APBB1IP: variants seen among roughly 807,000 people sequenced by gnomAD.
APBB1IP encodes the protein amyloid beta precursor protein binding family B member 1 interacting protein.
A neutral mutation model predicts 64.9 loss-of-function variants in APBB1IP; 27 were observed. The observed-to-expected ratio is 0.42, with a 90% CI of 0.31 to 0.57. The LOEUF (loss-of-function observed/expected upper bound fraction) is 0.57, where lower values mean the gene tolerates loss of function less well. APBB1IP is among the 20% of genes least tolerant of loss of function. APBB1IP has a pLI of 0.20. For synonymous variants in APBB1IP, 392 were observed against 331.0 expected (o/e 1.18, Z -2.00); for missense variants, 812 against 845.5 (o/e 0.96, Z 0.49).
chr10:26,474,025 A>G (rs116663204), intron 2 of APBB1IP, among the ~76,000 whole-genome samples: 1,868 of 146,800 alleles, frequency 0.013, 36 homozygotes, highest in African/African-American at 0.043. Flanking sequence ...AAAAAAAAGT[A>G]TGTTCTTGAA....
intron 2 of APBB1IP, among the ~76,000 whole-genome samples, chr10:26,477,792 T>C (rs1031164006): frequency 2.0e-5 from 3 of 152,146 alleles, no homozygotes; most frequent in African/African-American, 7.2e-5. Flanking sequence ...AATGCAATGT[T>C]AGATCACAGT....
At chr10:26,550,780 C>T (rs758894655) in intron 11 of APBB1IP, among the ~76,000 whole-genome samples, 31 of 152,278 alleles carry the variant, frequency 2.0e-4, no homozygotes, top group Non-Finnish European at 3.1e-4. Context: ...GCTATTCTTA[C>T]TCCTTGTAGA....
intron 6 of APBB1IP, chr10:26,509,616 C>T (rs1186500477): frequency 6.6e-6 from 1 of 152,216 alleles, no homozygotes; most frequent in Non-Finnish European, 1.5e-5. Flanking sequence ...CCTGGTTGTA[C>T]TCTATCTCAT....
intron 11 of APBB1IP, among the ~76,000 whole-genome samples, chr10:26,558,140 A>ACACACAC (rs1836917404): frequency 4.7e-5 from 7 of 148,894 alleles, no homozygotes; most frequent in African/African-American, 7.4e-5. Flanking sequence ...CACACACACA[A>ACACACAC]ACACACACAC....
At chr10:26,480,619 T>G (rs1019733920) in intron 2 of APBB1IP, among the ~76,000 whole-genome samples, 21 of 143,276 alleles carry the variant, frequency 1.5e-4, no homozygotes, top group Admixed American at 1.3e-3. Context: ...TTGAGCTGCT[T>G]CTTTTTTTTT....
Position 26,541,595 on chromosome 10 carries a change from T to A in APBB1IP, c.1058T>A (p.Leu353Gln), listed in dbSNP as rs1312412445. ...PKGKTKTSRDLACFIQFENVN... is the reference protein window; with the variant it reads ...PKGKTKTSRDQACFIQFENVN... ...CCTGTCTTTCAGACATCTCGAGATC[T>A]GGCGTGTTTTATACAGTTTGAAAAT... Residue 353 changes from leucine (L) to glutamine (Q), a missense_variant, in exon 11 of 15, where the codon CTG becomes CAG. By Grantham distance (113) the Leu-to-Gln change is moderately radical. Transcript: ENST00000376236. The A allele has an allele frequency of 6.2e-7, 1 of 1,609,802 alleles. No individual in the cohort carries two copies. Among genetic ancestry groups the A allele is most frequent in the East Asian group, 2.2e-5 (1 of 44,756 alleles).
intron 11 of APBB1IP, among the ~76,000 whole-genome samples, chr10:26,547,452 T>G (rs1019606737): frequency 2.0e-5 from 3 of 151,942 alleles, no homozygotes; most frequent in African/African-American, 7.3e-5. Context: ...TTTTGTTTTG[T>G]TTTTTTGAGA....
At chr10:26,475,289 A>G (rs1588576223) in intron 2 of APBB1IP, among the ~76,000 whole-genome samples, 2 of 151,816 alleles carry the variant, frequency 1.3e-5, no homozygotes, top group South Asian at 4.2e-4. Context: ...CACCCAGCTG[A>G]TTTTTATATT....
chr10:26,492,626 C>T (rs1247151673), intron 3 of APBB1IP, among the ~76,000 whole-genome samples: 4 of 151,994 alleles, frequency 2.6e-5, no homozygotes, highest in Non-Finnish European at 1.5e-5. Context: ...CCAGGGGAGG[C>T]ATCACATGTC....
intron 11 of APBB1IP, among the ~76,000 whole-genome samples, chr10:26,553,994 C>A (rs1022107676): frequency 6.6e-6 from 1 of 152,180 alleles, no homozygotes; most frequent in African/African-American, 2.4e-5. Context: ...TCGCTGAGAT[C>A]ACATTCACAG....
At chr10:26,441,963 A>G (rs1456202202) in intron 2 of APBB1IP, among the ~76,000 whole-genome samples, 1 of 152,256 alleles carries the variant, frequency 6.6e-6, no homozygotes, top group African/African-American at 2.4e-5. Context: ...GAAAGCACAG[A>G]GAGGGTAAGA....
At chr10:26,447,043 G>GA (rs1419334088) in intron 2 of APBB1IP, among the ~76,000 whole-genome samples, 1 of 152,088 alleles carries the variant, frequency 6.6e-6, no homozygotes. Context: ...ATTATGGGGG[G>GA]ATGATCAAGA....
chr10:26,451,314 C>G (rs1213231466), intron 2 of APBB1IP, among the ~76,000 whole-genome samples: 2 of 152,126 alleles, frequency 1.3e-5, no homozygotes, highest in Non-Finnish European at 2.9e-5. Context: ...GTCTCAAATT[C>G]CTGGGCTCGG....
chr10:26,462,881 C>A (rs12242085), intron 2 of APBB1IP, among the ~76,000 whole-genome samples: 2,425 of 152,070 alleles, frequency 0.016, 72 homozygotes, highest in African/African-American at 0.055. Flanking sequence ...GTTTGATGAC[C>A]CCGATTGTCG....
chr10:26,488,150 G>T (rs757595741), intron 2 of APBB1IP, among the ~76,000 whole-genome samples: 5 of 151,982 alleles, frequency 3.3e-5, no homozygotes, highest in African/African-American at 1.2e-4. Context: ...CCCATGACAA[G>T]ATTTTTAATA....
chr10:26,455,100 G>A (rs144709489), intron 2 of APBB1IP, among the ~76,000 whole-genome samples: 19 of 152,330 alleles, frequency 1.2e-4, no homozygotes, highest in African/African-American at 4.6e-4. Context: ...GATGCTGAAT[G>A]GAGTTGGGTA....
intron 11 of APBB1IP, among the ~76,000 whole-genome samples, chr10:26,549,231 A>T (rs1836802430): frequency 6.6e-6 from 1 of 152,008 alleles, no homozygotes; most frequent in African/African-American, 2.4e-5. Flanking sequence ...GATTGCTAGT[A>T]TTTTTTTGAG....
intron 2 of APBB1IP, among the ~76,000 whole-genome samples, chr10:26,475,383 A>G (rs539390511): frequency 1.0e-3 from 153 of 152,244 alleles, no homozygotes; most frequent in African/African-American, 3.5e-3. Flanking sequence ...TGGGCCTCCC[A>G]GGAATGAGAT....
At chr10:26,493,003 C>A (rs1041052947) in intron 3 of APBB1IP, among the ~76,000 whole-genome samples, 2 of 152,170 alleles carry the variant, frequency 1.3e-5, no homozygotes, top group Non-Finnish European at 2.9e-5. Flanking sequence ...AAGGCAGACA[C>A]CCCCAGAGCG....
Sources: gnomAD v4.1 joint callset for allele counts (sites outside exome capture counted in the v4.1 genomes callset) on GRCh38, gnomAD v4.1.1 for gene constraint, MANE v1.5 for transcripts, NCBI Gene and HGNC (gene_info 2026-07-23, HGNC 2026-07-21) for gene names.